MMP26: variants seen among roughly 807,000 people sequenced by gnomAD.
The protein encoded by MMP26 is matrix metalloproteinase-26.
MMP26 carries 33 observed loss-of-function variants against 31.0 expected under a neutral mutation model. The ratio of observed to expected loss-of-function variants is 1.06; its 90% confidence interval spans 0.81 to 1.42. MMP26 has a LOEUF of 1.42. MMP26 is among the 40% of genes most tolerant of loss of function. The pLI is 0.00. For missense variants in MMP26, 347 were observed against 316.1 expected, an observed-to-expected ratio of 1.10 and a Z score of -0.74; for synonymous variants, 122 against 114.9, an observed-to-expected ratio of 1.06 and a Z score of -0.40.
At chr11:4,900,622 A>G (rs910895648) in intron 2 of MMP26, among the ~76,000 whole-genome samples, 2 of 152,166 alleles carry the variant, frequency 1.3e-5, no homozygotes, top group Admixed American at 6.5e-5. Flanking sequence ...AGGTCCACTC[A>G]GTGTTCTTTA....
intron 2 of MMP26, among the ~76,000 whole-genome samples, chr11:4,792,054 A>G (rs760162539): frequency 6.6e-6 from 1 of 152,018 alleles, no homozygotes; most frequent in Non-Finnish European, 1.5e-5. Flanking sequence ...TATATGCTTC[A>G]TATTCCTCAT....
chr11:4,877,893 A>G (rs1850405483), intron 2 of MMP26: 1 of 152,216 alleles, frequency 6.6e-6, no homozygotes, highest in African/African-American at 2.4e-5. Context: ...ACATTTATGT[A>G]TAATAAAATT....
intron 2 of MMP26, among the ~76,000 whole-genome samples, chr11:4,885,487 A>T (rs958409727): frequency 6.6e-6 from 1 of 152,138 alleles, no homozygotes; most frequent in African/African-American, 2.4e-5. Flanking sequence ...ATTGTGTTAC[A>T]GTTACCTCAG....
chr11:4,973,910 A>G (rs1392185983), intron 2 of MMP26: 1 of 152,038 alleles, frequency 6.6e-6, no homozygotes, highest in African/African-American at 2.4e-5. Context: ...AAAAGATGAG[A>G]AGCTCATAAG....
intron 2 of MMP26, among the ~76,000 whole-genome samples, chr11:4,784,470 G>A (rs947312378): frequency 6.6e-6 from 1 of 152,216 alleles, no homozygotes; most frequent in Admixed American, 6.5e-5. Context: ...ATCACAAGAT[G>A]AGATCATCCT....
intron 2 of MMP26, among the ~76,000 whole-genome samples, chr11:4,925,463 G>C (rs1467067999): frequency 6.6e-6 from 1 of 152,094 alleles, no homozygotes; most frequent in Non-Finnish European, 1.5e-5. Flanking sequence ...TAGAGACCGA[G>C]TCCAGTTTGG....
chr11:4,744,019 T>G (rs992230868), intron 1 of MMP26, among the ~76,000 whole-genome samples: 7 of 152,132 alleles, frequency 4.6e-5, no homozygotes, highest in African/African-American at 1.4e-4. Context: ...CAGGCTGGTC[T>G]GAAACTCCTG....
intron 2 of MMP26, among the ~76,000 whole-genome samples, chr11:4,967,100 G>A (rs1440631039): frequency 6.6e-6 from 1 of 152,196 alleles, no homozygotes; most frequent in Non-Finnish European, 1.5e-5. Context: ...AGCTTAAAAG[G>A]TTTGGTGAAA....
At chr11:4,708,884 T>C (rs1406855410) in intron 1 of MMP26, among the ~76,000 whole-genome samples, 1 of 152,240 alleles carries the variant, frequency 6.6e-6, no homozygotes, top group Non-Finnish European at 1.5e-5. Context: ...AGGCAGAATA[T>C]CCTTTGAACA....
chr11:4,955,075 A>C (rs761242251), intron 2 of MMP26: 1 of 1,450,192 alleles, frequency 6.9e-7, no homozygotes, highest in Non-Finnish European at 9.4e-7. Context: ...CAGCAATGAG[A>C]ATAAAGTCTA....
intron 2 of MMP26, among the ~76,000 whole-genome samples, chr11:4,870,439 T>C (rs144442944): frequency 2.0e-5 from 3 of 152,142 alleles, no homozygotes; most frequent in Non-Finnish European, 2.9e-5. Context: ...TGTGGAAAAG[T>C]TGAAATATTT....
chr11:4,919,587 T>C (rs548798163), intron 2 of MMP26, among the ~76,000 whole-genome samples: 34 of 152,154 alleles, frequency 2.2e-4, no homozygotes, highest in Non-Finnish European at 4.6e-4. Flanking sequence ...GTGAAGAATA[T>C]GGCAAGAGTT....
chr11:4,722,752 C>T, intron 1 of MMP26: 2 of 938,484 alleles, frequency 2.1e-6, no homozygotes, highest in Non-Finnish European at 3.4e-6. Context: ...GGCAGGACGT[C>T]AGAGGACTCG....
intron 2 of MMP26, chr11:4,821,471 T>C (rs1589911222): frequency 1.2e-6 from 2 of 1,613,576 alleles, no homozygotes; most frequent in African/African-American, 1.3e-5. Context: ...TTCCTCCTGA[T>C]GGGCATTCCA....
intron 2 of MMP26, chr11:4,769,047 G>C: frequency 1.9e-6 from 3 of 1,545,948 alleles, no homozygotes; most frequent in Non-Finnish European, 2.6e-6. Context: ...TCGATGATGG[G>C]GTTGAGCACA....
rs16906657 is a variant in MMP26 at position 4,819,135 on chromosome 11, T to C, written c.-145+51794T>C. Reference sequence around the variant, plus strand: ...ACAGTTATAAGAGAAAATAATCAATTTGGTTTTGAACATAGGAGGTTTTCT... The same window carrying C: ...ACAGTTATAAGAGAAAATAATCAATCTGGTTTTGAACATAGGAGGTTTTCT... On this transcript the variant is annotated intron_variant, in intron 2 of 7. Transcript: ENST00000380390. 7.4e-3 allele frequency among the ~76,000 whole-genome samples: 1,125 copies of C among 152,254 alleles called. 17 individuals carry two copies. Among genetic ancestry groups the C allele is most frequent in the African/African-American group, 0.026 (1,077 of 41,554 alleles).
chr11:4,849,271 C>T (rs1589918949), intron 2 of MMP26: 22 of 1,525,836 alleles, frequency 1.4e-5, no homozygotes, highest in South Asian at 7.8e-5. Flanking sequence ...TACTTAATCG[C>T]GTGCCAAATT....
intron 4 of MMP26, 134 bp downstream of exon 4, chr11:4,990,002 T>A: frequency 1.5e-6 from 1 of 663,488 alleles, no homozygotes; most frequent in Non-Finnish European, 2.6e-6. Context: ...AAAATCTCCC[T>A]CAGAGAAGGT....
chr11:4,949,382 T>C (rs1423988336), intron 2 of MMP26, among the ~76,000 whole-genome samples: 1 of 123,526 alleles, frequency 8.1e-6, no homozygotes, highest in Non-Finnish European at 1.8e-5. Flanking sequence ...AATATACAGC[T>C]ATAATTATAA....
Sources: gnomAD v4.1 joint callset for allele counts (sites outside exome capture counted in the v4.1 genomes callset) on GRCh38, gnomAD v4.1.1 for gene constraint, MANE v1.5 for transcripts, NCBI Gene and HGNC (gene_info 2026-07-23, HGNC 2026-07-21) for gene names.